The following OLAH variants were observed in gnomAD, a reference collection of about 807,000 sequenced individuals.
OLAH encodes S-acyl fatty acid synthase thioesterase, medium chain.
Under a neutral mutation model 27.8 loss-of-function variants are expected in OLAH, and 33 were observed. The ratio of observed to expected loss-of-function variants is 1.19; its 90% CI spans 0.90 to 1.59. The LOEUF (loss-of-function observed/expected upper bound fraction) is 1.59. Among genes scored for constraint, OLAH ranks in the 40% most tolerant of loss-of-function variants. The probability of loss-of-function intolerance (pLI) is 0.00; values close to 1 mark genes in which losing one functional copy is unlikely to be tolerated. For missense variants in OLAH, 359 were observed against 310.8 expected (o/e 1.16, Z -1.17); for synonymous variants, 120 against 102.9 (o/e 1.17, Z -1.01).
chr10:15,069,852 C>T lies in OLAH; in HGVS notation c.573-1943C>T, dbSNP rs542474969. Among the ~76,000 whole-genome samples, 537 of 151,988 alleles carry T rather than the reference C, an allele frequency of 3.5e-3. 3 individuals carry two copies. Among genetic ancestry groups the T allele is most frequent in the African/African-American group, 0.012 (504 of 41,458 alleles). On this transcript the variant is annotated intron_variant, in intron 6 of 7. Transcript: ENST00000378228. ...TTGCACTCAAGCCCGGGCAATAGAG[C>T]GAGACTCCATCTAAAAAAACAAAAA...
At chr10:15,056,375 T>G (rs1260021711) in intron 3 of OLAH, among the ~76,000 whole-genome samples, 2 of 152,176 alleles carry the variant, frequency 1.3e-5, no homozygotes, top group African/African-American at 4.8e-5. Flanking sequence ...CAAGAAATAT[T>G]GTCAAATTGT....
intron 6 of OLAH, among the ~76,000 whole-genome samples, chr10:15,068,539 C>T (rs745392003): frequency 2.0e-5 from 3 of 152,012 alleles, no homozygotes; most frequent in African/African-American, 4.8e-5. Context: ...ATTACAGACA[C>T]GTGCCCCCAC....
chr10:15,062,048 C>A, intron 4 of OLAH, 186 bp downstream of exon 4: 1 of 497,184 alleles, frequency 2.0e-6, no homozygotes, highest in Non-Finnish European at 3.4e-6. Flanking sequence ...TATTTTTTTT[C>A]CTTTTAGGCA....
In OLAH at chr10:15,064,395, G is replaced by A; in HGVS notation, c.303-8G>A. Reference sequence around the variant, plus strand: ...AGTTCTTGTCATGTTTTTCTTTGCTGAATTTAGTATGGGATCCTACATTGC... The same window carrying A: ...AGTTCTTGTCATGTTTTTCTTTGCTAAATTTAGTATGGGATCCTACATTGC... On this transcript the variant is annotated splice_region_variant and splice_polypyrimidine_tract_variant and intron_variant, in intron 4 of 7. Transcript: ENST00000378228. 6.4e-7 allele frequency: 1 copy of A among 1,554,990 alleles called. No individual in the cohort carries two copies. The highest frequency in any genetic ancestry group is 1.4e-5 in the African/African-American group (1 of 73,068).
At chr10:15,057,244 T>C (rs1398461315) in intron 3 of OLAH, among the ~76,000 whole-genome samples, 2 of 152,208 alleles carry the variant, frequency 1.3e-5, no homozygotes, top group Non-Finnish European at 2.9e-5. Context: ...TTGTATATAG[T>C]GTGAGCTAGA....
intron 3 of OLAH, among the ~76,000 whole-genome samples, chr10:15,058,677 C>T (rs1254930033): frequency 2.0e-5 from 3 of 151,996 alleles, no homozygotes; most frequent in Non-Finnish European, 4.4e-5. Context: ...ACATGATTAC[C>T]TTTGTTAAAG....
At chr10:15,033,639 G>T (rs772757729) in intron 1 of OLAH, among the ~76,000 whole-genome samples, 23 of 152,172 alleles carry the variant, frequency 1.5e-4, no homozygotes, top group Non-Finnish European at 2.5e-4. Flanking sequence ...TTGAAGGCTG[G>T]GAAGTCCAGT....
intron 1 of OLAH, among the ~76,000 whole-genome samples, chr10:15,038,105 C>T (rs569679852): frequency 3.3e-5 from 5 of 152,332 alleles, no homozygotes; most frequent in South Asian, 4.1e-4. Context: ...AAGATTTGAC[C>T]GCCCTGTTGG....
intron 3 of OLAH, among the ~76,000 whole-genome samples, chr10:15,057,227 C>T (rs1334596642): frequency 6.6e-6 from 1 of 152,028 alleles, no homozygotes; most frequent in Middle Eastern, 3.2e-3. Flanking sequence ...ATATTTGAGC[C>T]TGCCTTTTGT....
At chr10:15,039,577 C>CA (rs1053732373), upstream of OLAH, among the ~76,000 whole-genome samples, 7 of 150,554 alleles carry the variant, frequency 4.6e-5, no homozygotes, top group African/African-American at 1.2e-4. Flanking sequence ...AACTTTGCCT[C>CA]AAAAAAAAAG....
chr10:15,040,667 A>AG (rs1843906200), upstream of OLAH, among the ~76,000 whole-genome samples: 1 of 148,594 alleles, frequency 6.7e-6, no homozygotes, highest in South Asian at 2.3e-4. Flanking sequence ...CCCGTTTTCT[A>AG]CTCCTATTCA....
Position 15,071,795 on chromosome 10 carries a change from C to A in OLAH, c.573C>A (p.Thr191=), listed in dbSNP as rs146312645. The A allele has an allele frequency of 5.6e-6, 9 of 1,609,696 alleles. No homozygotes were observed. Among genetic ancestry groups the A allele is most frequent in the Non-Finnish European group, 6.8e-6 (8 of 1,176,440 alleles). ...CTAACCAGCTCTTTTATGTTTATAGCTCTAACGTACCATCTAAGGCTGTTC... is the reference window on the plus strand; with the variant it reads ...CTAACCAGCTCTTTTATGTTTATAGATCTAACGTACCATCTAAGGCTGTTC... ...RADLNIVRSC[T]SNVPSKAVLS... is the part of the protein sequence containing the mutation. The change falls in exon 7 of 8, where the codon ACC becomes ACA. Residue 191 remains threonine, a splice_region_variant and synonymous_variant. Transcript: ENST00000378228.
At chr10:15,064,282 C>A (rs7075914) in intron 4 of OLAH, 121 bp from the exon 5 acceptor site, 7 of 624,774 alleles carry the variant, frequency 1.1e-5, no homozygotes, top group Non-Finnish European at 1.7e-5. Flanking sequence ...TCAACTCACA[C>A]TTTCCTTTCA....
chr10:15,037,697 A>G (rs1843862349), intron 1 of OLAH, among the ~76,000 whole-genome samples: 1 of 152,170 alleles, frequency 6.6e-6, no homozygotes, highest in Non-Finnish European at 1.5e-5. Flanking sequence ...CTTGTGAGCT[A>G]TCCACAGGCA....
At chr10:15,040,750 A>G (rs1169884915), upstream of OLAH, among the ~76,000 whole-genome samples, 1 of 152,200 alleles carries the variant, frequency 6.6e-6, no homozygotes, top group Non-Finnish European at 1.5e-5. Flanking sequence ...AGGAGGATGC[A>G]ACTGTGAACA....
chr10:15,036,796 G>A (rs1190301119), intron 1 of OLAH, among the ~76,000 whole-genome samples: 1 of 152,018 alleles, frequency 6.6e-6, no homozygotes, highest in Non-Finnish European at 1.5e-5. Flanking sequence ...AGCAAGAATT[G>A]TAGGCCAGAC....
chr10:15,041,925 G>A (rs1423353193), upstream of OLAH, among the ~76,000 whole-genome samples: 1 of 151,870 alleles, frequency 6.6e-6, no homozygotes, highest in Non-Finnish European at 1.5e-5. Context: ...GAGAGGCCCA[G>A]TTACGTCTTT....
At chr10:15,061,407 C>T (rs1192092786) in intron 3 of OLAH, among the ~76,000 whole-genome samples, 1 of 152,078 alleles carries the variant, frequency 6.6e-6, no homozygotes, top group Non-Finnish European at 1.5e-5. Context: ...TTTTATTTTC[C>T]TGATATAGGT....
upstream of OLAH, among the ~76,000 whole-genome samples, chr10:15,042,254 C>T (rs557026330): frequency 4.9e-4 from 75 of 152,016 alleles, no homozygotes; most frequent in Admixed American, 9.2e-4. Context: ...CCGGTTCAAG[C>T]GATTCTCCTG....
Sources: gnomAD v4.1 joint callset for allele counts (sites outside exome capture counted in the v4.1 genomes callset) on GRCh38, gnomAD v4.1.1 for gene constraint, MANE v1.5 for transcripts, NCBI Gene and HGNC (gene_info 2026-07-23, HGNC 2026-07-21) for gene names.